KCNH7: variants seen among roughly 807,000 people sequenced by gnomAD.
The protein encoded by KCNH7 is potassium voltage-gated channel subfamily H member 7, also known as voltage-gated inwardly rectifying potassium channel KCNH7.
KCNH7 carries 49 observed loss-of-function variants against 120.8 expected under a neutral mutation model. The ratio of observed to expected loss-of-function variants is 0.41; its 90% CI spans 0.32 to 0.51. The LOEUF (loss-of-function observed/expected upper bound fraction) is 0.51. KCNH7 is among the 20% of genes least tolerant of loss of function. KCNH7 has a pLI of 0.38. For missense variants in KCNH7, 1,097 were observed against 1,446.6 expected, an observed-to-expected ratio of 0.76 and a Z score of 3.92; for synonymous variants, 547 against 516.1, an observed-to-expected ratio of 1.06 and a Z score of -0.81.
intron 2 of KCNH7, among the ~76,000 whole-genome samples, chr2:162,756,105 T>A (rs1256387907): frequency 6.6e-6 from 1 of 152,172 alleles, no homozygotes; most frequent in African/African-American, 2.4e-5. Context: ...AAGTGAGTTA[T>A]AAAATAAACA....
chr2:162,489,536 A>T (rs1163520567), intron 6 of KCNH7, among the ~76,000 whole-genome samples: 2 of 152,212 alleles, frequency 1.3e-5, no homozygotes, highest in Non-Finnish European at 2.9e-5. Context: ...AGACGACTAG[A>T]AAACATAATC....
chr2:162,706,605 A>G lies in KCNH7; in HGVS notation c.307+129932T>C, dbSNP rs371978156. Among the ~76,000 whole-genome samples, 8 of 152,186 alleles carry G rather than the reference A, an allele frequency of 5.3e-5. 1 individual carries two copies. The East Asian group carries it at 1.4e-3, about 26-fold the overall frequency. On this transcript the variant is annotated intron_variant, in intron 2 of 15. Transcript: ENST00000332142. ...ACCCTACCATTTGACATAATCAAAG[A>G]TGTTCAAACTCCACCAAAAAATACT...
At chr2:162,402,446 A>G (rs557202687) in intron 9 of KCNH7, among the ~76,000 whole-genome samples, 6 of 148,602 alleles carry the variant, frequency 4.0e-5, no homozygotes, top group South Asian at 4.3e-4. Context: ...TCCAGTTTGG[A>G]GGTTGTATAG....
intron 2 of KCNH7, among the ~76,000 whole-genome samples, chr2:162,623,030 C>T (rs945363185): frequency 6.6e-6 from 1 of 152,126 alleles, no homozygotes; most frequent in Non-Finnish European, 1.5e-5. Flanking sequence ...AACATTCCTA[C>T]ATTATTCATG....
intron 2 of KCNH7, among the ~76,000 whole-genome samples, chr2:162,575,571 C>A (rs898269283): frequency 6.6e-6 from 1 of 151,934 alleles, no homozygotes; most frequent in Non-Finnish European, 1.5e-5. Context: ...TCTTGTTTAC[C>A]CCCATGTTTC....
chr2:162,779,060 T>C (rs769630550), intron 2 of KCNH7, among the ~76,000 whole-genome samples: 26 of 152,132 alleles, frequency 1.7e-4, no homozygotes, highest in Admixed American at 3.3e-4. Context: ...TCAACTGTTA[T>C]AATATTCAGT....
chr2:162,471,969 C>G (rs1423510984), intron 6 of KCNH7, among the ~76,000 whole-genome samples: 3 of 152,056 alleles, frequency 2.0e-5, no homozygotes, highest in African/African-American at 4.8e-5. Flanking sequence ...ACAAACCTGA[C>G]AAAAACAAGA....
chr2:162,499,152 C>T (rs921861181), intron 6 of KCNH7, among the ~76,000 whole-genome samples: 1 of 152,012 alleles, frequency 6.6e-6, no homozygotes, highest in Non-Finnish European at 1.5e-5. Flanking sequence ...TATGTTTCAT[C>T]CTAAAAATTG....
At chr2:162,411,795 T>C (rs1288370844) in intron 9 of KCNH7, among the ~76,000 whole-genome samples, 1 of 151,698 alleles carries the variant, frequency 6.6e-6, no homozygotes, top group East Asian at 1.9e-4. Context: ...AAATCAACTT[T>C]TTTTTCAAAA....
intron 2 of KCNH7, among the ~76,000 whole-genome samples, chr2:162,671,972 A>G (rs35758955): frequency 0.023 from 3,440 of 152,178 alleles, 74 homozygotes; most frequent in East Asian, 0.12. Flanking sequence ...ATAAACATAA[A>G]GCAGAAATTT....
At chr2:162,781,208 T>C (rs1683470055) in intron 2 of KCNH7, among the ~76,000 whole-genome samples, 1 of 152,104 alleles carries the variant, frequency 6.6e-6, no homozygotes, top group Non-Finnish European at 1.5e-5. Flanking sequence ...GTCTTCAGCA[T>C]TGTGCTAAAT....
chr2:162,830,590 A>G (rs149805840), intron 2 of KCNH7, among the ~76,000 whole-genome samples: 11 of 152,272 alleles, frequency 7.2e-5, no homozygotes, highest in African/African-American at 2.6e-4. Context: ...CTCTAAACAT[A>G]CCTATAATGG....
In KCNH7 at chr2:162,441,999, C is replaced by CTTCTT. The variant is rs1688430885; in HGVS notation, c.1554+4018_1554+4019insAAGAA. Among the ~76,000 whole-genome samples, 169 of 41,560 alleles carry CTTCTT rather than the reference C, an allele frequency of 4.1e-3. 21 individuals carry two copies. Among genetic ancestry groups the CTTCTT allele is most frequent in the African/African-American group, 0.01 (156 of 15,434 alleles). 27.3% of individuals were successfully genotyped at this position (41,560 alleles called of 152,430 possible). A position where few individuals can be genotyped will look rare whatever the true frequency, so the allele number is the denominator to read the frequency against. ...GAAAAAAATTAAATAGTTAGGTCTTCTTTTTTTTTTTTTTTTTTTTTTTTT... is the reference window on the plus strand; with the variant it reads ...GAAAAAAATTAAATAGTTAGGTCTTCTTCTTTTTTTTTTTTTTTTTTTTTTTTTTT... On this transcript the variant is annotated intron_variant, in intron 7 of 15. Transcript: ENST00000332142.
intron 2 of KCNH7, among the ~76,000 whole-genome samples, chr2:162,779,609 T>C (rs2105490663): frequency 6.6e-6 from 1 of 152,320 alleles, no homozygotes; most frequent in East Asian, 1.9e-4. Flanking sequence ...TTCTGAATAG[T>C]TGCTCACACA....
At chr2:162,447,938 T>G (rs901041981) in intron 6 of KCNH7, among the ~76,000 whole-genome samples, 1 of 152,062 alleles carries the variant, frequency 6.6e-6, no homozygotes, top group East Asian at 1.9e-4. Context: ...CTAAACTACT[T>G]TAACTAGTTT....
chr2:162,780,243 G>T (rs1683424388), intron 2 of KCNH7, among the ~76,000 whole-genome samples: 1 of 152,090 alleles, frequency 6.6e-6, no homozygotes, highest in Non-Finnish European at 1.5e-5. Flanking sequence ...AAAGCTTTCT[G>T]CATCTCCTTT....
At chr2:162,724,480 G>C (rs1285445807) in intron 2 of KCNH7, among the ~76,000 whole-genome samples, 1 of 151,468 alleles carries the variant, frequency 6.6e-6, no homozygotes, top group African/African-American at 2.4e-5. Flanking sequence ...AGACCATCCC[G>C]GCTAAAAAGG....
chr2:162,464,115 A>C (rs1028253054), intron 6 of KCNH7, among the ~76,000 whole-genome samples: 1 of 152,028 alleles, frequency 6.6e-6, no homozygotes, highest in Non-Finnish European at 1.5e-5. Context: ...CAATGGGTAC[A>C]TGAATCATCT....
chr2:162,654,513 T>C (rs946803832), intron 2 of KCNH7, among the ~76,000 whole-genome samples: 73 of 151,976 alleles, frequency 4.8e-4, no homozygotes, highest in African/African-American at 1.7e-3. Flanking sequence ...TTGGTAAGAA[T>C]GGGGAGAAAA....
Sources: gnomAD v4.1 joint callset for allele counts (sites outside exome capture counted in the v4.1 genomes callset) on GRCh38, gnomAD v4.1.1 for gene constraint, MANE v1.5 for transcripts, NCBI Gene and HGNC (gene_info 2026-07-23, HGNC 2026-07-21) for gene names.